The following UHRF2 variants were observed in gnomAD, a reference collection of about 807,000 sequenced individuals.
UHRF2 encodes E3 ubiquitin-protein ligase UHRF2.
A neutral mutation model predicts 96.8 loss-of-function variants in UHRF2; 23 were observed. That is an observed-to-expected ratio of 0.24 (90% CI 0.17 to 0.34). The LOEUF (loss-of-function observed/expected upper bound fraction) is 0.34. Ranked by LOEUF, UHRF2 falls within the 10% of genes least tolerant of loss-of-function variation. The probability of loss-of-function intolerance (pLI) is 1.00; values close to 1 mark genes in which losing one functional copy is unlikely to be tolerated. For missense variants in UHRF2, 685 were observed against 981.5 expected (o/e 0.70, Z 4.04); for synonymous variants, 385 against 332.6 (o/e 1.16, Z -1.72).
intron 3 of UHRF2, among the ~76,000 whole-genome samples, chr9:6,452,104 A>G (rs551411950): frequency 7.2e-5 from 11 of 152,196 alleles, no homozygotes; most frequent in African/African-American, 2.6e-4. Flanking sequence ...AAGTTCATAT[A>G]TCCTGGAGAT....
intron 3 of UHRF2, among the ~76,000 whole-genome samples, chr9:6,442,300 G>A (rs1022375939): frequency 1.3e-5 from 2 of 152,142 alleles, no homozygotes; most frequent in Non-Finnish European, 2.9e-5. Context: ...CGGGAGATGG[G>A]ATTGAAATAG....
intron 3 of UHRF2, among the ~76,000 whole-genome samples, chr9:6,436,386 G>A (rs1820850225): frequency 6.6e-6 from 1 of 152,110 alleles, no homozygotes. Flanking sequence ...CTGAGGCTGG[G>A]GTAGAAAGGG....
intron 2 of UHRF2, among the ~76,000 whole-genome samples, chr9:6,431,419 G>A (rs946650725): frequency 1.2e-4 from 19 of 152,032 alleles, no homozygotes; most frequent in Admixed American, 6.6e-4. Flanking sequence ...ACCAGCCTGG[G>A]CAACATAGCA....
chr9:6,423,409 G>C (rs1480381875), intron 2 of UHRF2, among the ~76,000 whole-genome samples: 1 of 152,098 alleles, frequency 6.6e-6, no homozygotes, highest in Non-Finnish European at 1.5e-5. Context: ...CTAAGTTCTA[G>C]TCAGCAAATA....
chr9:6,474,159 T>C (rs1339569441), intron 4 of UHRF2, among the ~76,000 whole-genome samples: 1 of 152,234 alleles, frequency 6.6e-6, no homozygotes, highest in African/African-American at 2.4e-5. Flanking sequence ...CTATGTCTTC[T>C]GTCATTGGTG....
In UHRF2 at chr9:6,477,594, A is replaced by G. The variant is rs774368383; in HGVS notation, c.974-28A>G. 6 of 1,562,518 alleles carry G rather than the reference A, an allele frequency of 3.8e-6. No homozygotes were observed. In the South Asian group the frequency reaches 7.1e-5, roughly 19 times the overall value. On this transcript the variant is annotated intron_variant, in intron 5 of 15. Transcript: ENST00000276893. Reference sequence around the variant, plus strand: ...TAGATATAAAAAATGTTTTAAGACTAGACTTGCTATAATTTTGTTCTTAAT... The same window carrying G: ...TAGATATAAAAAATGTTTTAAGACTGGACTTGCTATAATTTTGTTCTTAAT...
Position 6,423,008 on chromosome 9 carries a change from C to A in UHRF2, c.384+1866C>A, listed in dbSNP as rs1012639044. On this transcript the variant is annotated intron_variant, in intron 2 of 15. Transcript: ENST00000276893. ...AATGGCAGTTTTGCTTTATCCTTTC[C>A]TATCTTTGTAACTTCCTAATTCTTA... 18 of 208,584 alleles carry A rather than the reference C, an allele frequency of 8.6e-5. No individual in the cohort carries two copies. The Admixed American group carries it at 1.1e-3, about 12-fold the overall frequency. 12.9% of individuals were successfully genotyped at this position (208,584 alleles called of 1,614,324 possible).
chr9:6,478,505 A>G (rs1406820962), intron 6 of UHRF2, among the ~76,000 whole-genome samples: 1 of 152,232 alleles, frequency 6.6e-6, no homozygotes, highest in East Asian at 1.9e-4. Flanking sequence ...CTCCAATTAT[A>G]CTTGCCAAAA....
intron 8 of UHRF2, among the ~76,000 whole-genome samples, chr9:6,485,562 C>G (rs1824215827): frequency 6.6e-6 from 1 of 151,140 alleles, no homozygotes; most frequent in African/African-American, 2.5e-5. Context: ...GGTTCTGTTG[C>G]TGTCACCTTC....
rs780642907 is a variant in UHRF2 at position 6,500,617 on chromosome 9, C to G, written c.2071C>G (p.Gln691Glu). 3.7e-6 allele frequency: 6 copies of G among 1,613,764 alleles called. No homozygotes were observed. The highest frequency in any genetic ancestry group is 5.1e-6 in the Non-Finnish European group (6 of 1,179,992). ...SDSAEAIEAF[Q>E]LTPQQQHLIR... ...TTCAGCAGAAGCAATTGAGGCTTTT[C>G]AACTAACTCCTCAACAGCAACATCT... The change falls in exon 14 of 16, where the codon CAA becomes GAA. Residue 691 changes from glutamine (Q) to glutamate (E), a missense_variant. This residue lies in a region of UHRF2 where 99 missense variants were observed against 73.5 expected (regional missense o/e 1.35). Transcript: ENST00000276893.
intron 2 of UHRF2, chr9:6,422,725 C>T (rs572905368): frequency 4.0e-4 from 210 of 522,812 alleles, no homozygotes; most frequent in Middle Eastern, 1.9e-3. Flanking sequence ...TCTTCCTGCT[C>T]GGCCTCCCAA....
intron 14 of UHRF2, among the ~76,000 whole-genome samples, chr9:6,501,740 G>A (rs1000030437): frequency 7.2e-5 from 11 of 152,324 alleles, no homozygotes; most frequent in Admixed American, 3.9e-4. Context: ...ACACCCAGGC[G>A]TAAGCAGAGT....
chr9:6,418,291 C>T (rs556834976), intron 1 of UHRF2, among the ~76,000 whole-genome samples: 75 of 140,104 alleles, frequency 5.4e-4, no homozygotes, highest in African/African-American at 2.0e-3. Flanking sequence ...ATCAAGGAAG[C>T]AATATTCCCA....
chr9:6,488,853 TCCAGGCTA>T (rs1175811799), intron 9 of UHRF2, among the ~76,000 whole-genome samples: 1 of 151,810 alleles, frequency 6.6e-6, no homozygotes, highest in Non-Finnish European at 1.5e-5. Flanking sequence ...CACTCTGTCT[TCCAGGCTA>T]CAGGGCAGTG....
intron 3 of UHRF2, among the ~76,000 whole-genome samples, chr9:6,441,774 A>T (rs539804359): frequency 2.6e-5 from 4 of 151,896 alleles, no homozygotes; most frequent in African/African-American, 9.7e-5. Context: ...GACATAAATT[A>T]TTGGAACTAA....
intron 3 of UHRF2, 129 bp downstream of exon 3, chr9:6,434,302 T>G: frequency 1.6e-6 from 2 of 1,217,646 alleles, no homozygotes; most frequent in Non-Finnish European, 2.2e-6. Flanking sequence ...TTTGTTACTT[T>G]TTGGTTTTGG....
At chr9:6,434,233 T>C in intron 3 of UHRF2, 60 bp downstream of exon 3, 1 of 1,513,348 alleles carries the variant, frequency 6.6e-7, no homozygotes, top group Non-Finnish European at 8.9e-7. Flanking sequence ...ACCAAAGCCT[T>C]CTATTTCAAG....
intron 13 of UHRF2, 118 bp from the exon 14 acceptor site, chr9:6,500,434 C>T (rs978707049): frequency 7.5e-6 from 6 of 804,340 alleles, no homozygotes; most frequent in African/African-American, 1.8e-5. Flanking sequence ...AAATTAGATG[C>T]TGTTTTATGT....
chr9:6,456,588 T>C (rs921591112), intron 3 of UHRF2, among the ~76,000 whole-genome samples: 3 of 152,228 alleles, frequency 2.0e-5, no homozygotes, highest in Non-Finnish European at 2.9e-5. Context: ...TTTGGTGTTT[T>C]GGACATGGAG....
Sources: allele counts gnomAD v4.1 joint callset (sites outside exome capture counted in the v4.1 genomes callset), GRCh38; gene constraint gnomAD v4.1.1; regional missense constraint gnomAD v4.1.1; transcripts MANE v1.5; gene names NCBI Gene and HGNC (gene_info 2026-07-23, HGNC 2026-07-21).